SLC12A7: variants seen among roughly 807,000 people sequenced by gnomAD.
SLC12A7 encodes the protein K-Cl cotransporter 4.
In SLC12A7, 100 loss-of-function variants were observed where a neutral mutation model predicts 120.6. The observed-to-expected ratio is 0.83, with a 90% CI of 0.71 to 0.98. SLC12A7 has a LOEUF of 0.98. SLC12A7 is among the 50% of genes least tolerant of loss of function. The pLI is 0.00. For missense variants in SLC12A7, 1,373 were observed against 1,548.1 expected, an observed-to-expected ratio of 0.89 and a Z score of 1.90; for synonymous variants, 760 against 678.0, an observed-to-expected ratio of 1.12 and a Z score of -1.88.
chr5:1,058,208 G>T (rs147289671), intron 21 of SLC12A7, among the ~76,000 whole-genome samples: 1 of 152,362 alleles, frequency 6.6e-6, no homozygotes, highest in Admixed American at 6.5e-5. Context: ...GACAATCCGA[G>T]GAAAATGAAA....
intron 15 of SLC12A7, among the ~76,000 whole-genome samples, chr5:1,075,132 A>G (rs1358999684): frequency 1.3e-5 from 2 of 152,208 alleles, no homozygotes; most frequent in African/African-American, 4.8e-5. Flanking sequence ...ACGGCACGAG[A>G]CAGAGCTCCA....
intron 1 of SLC12A7, 64 bp from the exon 2 acceptor site, chr5:1,094,312 A>G (rs1740866960): frequency 8.3e-7 from 1 of 1,204,444 alleles, no homozygotes; most frequent in African/African-American, 1.5e-5. Context: ...CAGAAGGCCA[A>G]CTACAGATCT....
the SLC12A7 span, among the ~76,000 whole-genome samples, chr5:1,141,303 C>T: frequency 6.6e-6 from 1 of 152,226 alleles, no homozygotes; most frequent in South Asian, 2.1e-4. Flanking sequence ...ACTTGATGAC[C>T]TCTGCAAACA....
intron 15 of SLC12A7, 50 bp downstream of exon 15, chr5:1,075,321 G>C (rs573093622): frequency 1.3e-6 from 2 of 1,583,606 alleles, no homozygotes; most frequent in Non-Finnish European, 8.6e-7. Flanking sequence ...GCATGAGAGG[G>C]GCCCGCCCTC....
Position 1,059,507 on chromosome 5 carries a change from G to A in SLC12A7, c.2847+837C>T, listed in dbSNP as rs188948636. Among the ~76,000 whole-genome samples, 182 of 152,266 alleles carry A rather than the reference G, an allele frequency of 1.2e-3. 1 individual carries two copies. Among genetic ancestry groups the A allele is most frequent in the Admixed American group, 7.8e-4 (12 of 15,312 alleles). The stretch of plus-strand genomic sequence containing the variant: ...GTGATACCAGCCTGGTGGGACCCAC[G>A]AAGACCCCATGAGGCCGTGACCTCA... On this transcript the variant is annotated intron_variant, in intron 21 of 23. Coordinates refer to ENST00000264930, the MANE Select transcript of SLC12A7 (RefSeq NM_006598.3).
chr5:1,152,419 CT>C, the SLC12A7 span, among the ~76,000 whole-genome samples: 1 of 152,212 alleles, frequency 6.6e-6, no homozygotes, highest in Non-Finnish European at 1.5e-5. Context: ...CGGAAAGCCC[CT>C]GTCAGACCTG....
At chr5:1,073,591 G>C (rs778653114) in intron 17 of SLC12A7, 42 bp downstream of exon 17, 33 of 1,564,772 alleles carry the variant, frequency 2.1e-5, no homozygotes, top group Non-Finnish European at 2.7e-5. Context: ...TGTGCAGCTG[G>C]GGTGGGAAAG....
At chr5:1,100,979 G>C (rs1038322871) in intron 1 of SLC12A7, among the ~76,000 whole-genome samples, 1 of 152,094 alleles carries the variant, frequency 6.6e-6, no homozygotes, top group East Asian at 1.9e-4. Flanking sequence ...AGGAGCCCTC[G>C]ACGAGCTGAG....
rs374147525 is a variant in SLC12A7, at chr5:1,075,248, CCT to C, written c.1967+121_1967+122del. ...CCACCTGGACGTGCTCCCAGCTGCC[CCT>C]GTGAGGGCACACGACGCTCAAGCCC... is the stretch of plus-strand genomic sequence containing the variant. On this transcript the variant is annotated intron_variant, in intron 15 of 23. Coordinates refer to ENST00000264930, the MANE Select transcript of SLC12A7 (RefSeq NM_006598.3). The C allele has an allele frequency of 1.9e-4, 256 of 1,375,206 alleles. No individual in the cohort carries two copies. The African/African-American group carries it at 3.6e-3, about 19-fold the overall frequency. 85.2% of individuals were successfully genotyped at this position (1,375,206 alleles called of 1,614,324 possible). A position where few individuals can be genotyped will look rare whatever the true frequency, so the allele number is the denominator to read the frequency against.
chr5:1,155,001 G>A, the SLC12A7 span, among the ~76,000 whole-genome samples: 76 of 152,314 alleles, frequency 5.0e-4, 1 homozygote, highest in East Asian at 0.013. Flanking sequence ...CAAGGCTGGC[G>A]GGGGGCACTC....
At chr5:1,081,078 AG>A in intron 9 of SLC12A7, among the ~76,000 whole-genome samples, 1 of 14,220 alleles carries the variant, frequency 7.0e-5, no homozygotes, top group East Asian at 0.019. Context: ...AGAGAGAGAC[AG>A]ACAGAGAGAG....
chr5:1,092,137 AACAAAACC>A (rs1195047230), intron 3 of SLC12A7, among the ~76,000 whole-genome samples: 2 of 152,262 alleles, frequency 1.3e-5, no homozygotes, highest in African/African-American at 4.8e-5. Flanking sequence ...GCTTCTCAAA[AACAAAACC>A]AAATGTCTTC....
At chr5:1,090,274 A>G (rs1417470464) in intron 3 of SLC12A7, among the ~76,000 whole-genome samples, 2 of 152,204 alleles carry the variant, frequency 1.3e-5, no homozygotes, top group Non-Finnish European at 2.9e-5. Context: ...GCAGGGCTCT[A>G]GGGCTCCACC....
In SLC12A7 at chr5:1,051,076, G is replaced by A; in HGVS notation, c.*1284C>T. ...TAAATAAATATGCCACATAGAAAGG[G>A]AGGCCCAAGTCGGTGCCACTGCCCG... On this transcript the variant is annotated 3_prime_UTR_variant, in exon 24 of 24. Coordinates refer to ENST00000264930, the MANE Select transcript of SLC12A7 (RefSeq NM_006598.3). 2.5e-6 allele frequency: 1 copy of A among 397,204 alleles called. No individual in the cohort carries two copies. Among genetic ancestry groups the A allele is most frequent in the Non-Finnish European group, 4.4e-6 (1 of 225,632 alleles). The allele number at this position is 397,204 out of a possible 1,614,324, so 24.6% of individuals were successfully genotyped here.
intron 1 of SLC12A7, among the ~76,000 whole-genome samples, chr5:1,104,887 C>T (rs548505687): frequency 2.6e-5 from 4 of 152,244 alleles, no homozygotes; most frequent in South Asian, 2.1e-4. Context: ...AAGCACCACT[C>T]GGACCCCGAG....
Position 1,050,538 on chromosome 5 carries a change from A to G in SLC12A7, c.*1822T>C. The stretch of plus-strand genomic sequence containing the variant: ...TGCTTGCGTGCAGAGGCTGCAGCCC[A>G]GGGCGGGGGCAGAGCTGAGCCCTCA... On this transcript the variant is annotated 3_prime_UTR_variant, in exon 24 of 24. Coordinates refer to ENST00000264930, the MANE Select transcript of SLC12A7 (RefSeq NM_006598.3). 3.7e-6 allele frequency: 1 copy of G among 273,714 alleles called. No homozygotes were observed. The highest frequency in any genetic ancestry group is 6.8e-6 in the Non-Finnish European group (1 of 147,200). The allele number at this position is 273,714 out of a possible 1,614,324, so 17.0% of individuals were successfully genotyped here. A position where few individuals can be genotyped will look rare whatever the true frequency, so the allele number is the denominator to read the frequency against.
chr5:1,154,187 A>ACCCTAAC, the SLC12A7 span, among the ~76,000 whole-genome samples: 3 of 151,578 alleles, frequency 2.0e-5, no homozygotes. Context: ...CCTAACCCTA[A>ACCCTAAC]CCCTAACCCC....
chr5:1,132,837 C>T, the SLC12A7 span, among the ~76,000 whole-genome samples: 2 of 152,246 alleles, frequency 1.3e-5, no homozygotes, highest in Non-Finnish European at 2.9e-5. Flanking sequence ...GGATAAGACA[C>T]GGGCACTCGG....
the SLC12A7 span, among the ~76,000 whole-genome samples, chr5:1,135,459 C>G: frequency 6.6e-6 from 1 of 152,184 alleles, no homozygotes; most frequent in East Asian, 1.9e-4. Flanking sequence ...CAGGTGCAGT[C>G]AACTGTGGGT....
Sources: gnomAD v4.1 joint callset for allele counts (sites outside exome capture counted in the v4.1 genomes callset) on GRCh38, gnomAD v4.1.1 for gene constraint, MANE v1.5 for transcripts, NCBI Gene and HGNC (gene_info 2026-07-23, HGNC 2026-07-21) for gene names.